Variants in CNTNAP5 observed in about 807,000 individuals in gnomAD.
CNTNAP5 encodes the protein contactin-associated protein-like 5.
In CNTNAP5, 72 loss-of-function variants were observed where a neutral mutation model predicts 150.2. That is an observed-to-expected ratio of 0.48 (90% CI 0.40 to 0.58). The LOEUF is 0.58. Ranked by LOEUF, CNTNAP5 falls within the 20% of genes least tolerant of loss-of-function variation. The pLI, the probability that CNTNAP5 is intolerant of heterozygous loss-of-function variation, is 0.00. For missense variants in CNTNAP5, 1,636 were observed against 1,626.2 expected (o/e 1.01, Z -0.10); for synonymous variants, 672 against 619.8 (o/e 1.08, Z -1.25).
intron 1 of CNTNAP5, among the ~76,000 whole-genome samples, chr2:124,136,588 G>C (rs1393489010): frequency 1.3e-5 from 2 of 152,132 alleles, no homozygotes. Context: ...ACAGTACTGA[G>C]AGTGAAAAAC....
chr2:124,405,969 T>C (rs1023943828), intron 3 of CNTNAP5, among the ~76,000 whole-genome samples: 1 of 152,252 alleles, frequency 6.6e-6, no homozygotes, highest in Non-Finnish European at 1.5e-5. Flanking sequence ...TACAAAGCAC[T>C]GAAGCCACAA....
At chr2:124,169,195 G>T (rs143810892) in intron 1 of CNTNAP5, among the ~76,000 whole-genome samples, 1 of 152,168 alleles carries the variant, frequency 6.6e-6, no homozygotes, top group East Asian at 1.9e-4. Context: ...CAAAACTGAA[G>T]AGAACCAGAG....
In CNTNAP5 at chr2:124,777,902, G is replaced by A. The variant is rs532963156; in HGVS notation, c.2752+4885G>A. Among the ~76,000 whole-genome samples the A allele has an allele frequency of 1.6e-3, 244 of 151,670 alleles. 1 individual carries two copies. The highest frequency in any genetic ancestry group is 5.5e-3 in the African/African-American group (226 of 41,352). ...CATGCAGCTCAGAAAGAGAGGACCCGGGCTTCAGACCTCACAAAAACTCAA... is the reference window on the plus strand; with the variant it reads ...CATGCAGCTCAGAAAGAGAGGACCCAGGCTTCAGACCTCACAAAAACTCAA... On this transcript the variant is annotated intron_variant, in intron 17 of 23. Coordinates refer to ENST00000682447, the MANE Select transcript of CNTNAP5 (RefSeq NM_001367498.1).
chr2:124,237,068 G>T (rs1430843750), intron 2 of CNTNAP5, among the ~76,000 whole-genome samples: 9 of 152,228 alleles, frequency 5.9e-5, no homozygotes, highest in African/African-American at 1.7e-4. Flanking sequence ...GGCAGAAGTT[G>T]CAGTGAGCCG....
chr2:124,817,274 G>A (rs181531302), intron 19 of CNTNAP5, among the ~76,000 whole-genome samples: 2 of 152,300 alleles, frequency 1.3e-5, no homozygotes, highest in East Asian at 1.9e-4. Context: ...GGGAATGCAA[G>A]GGGATTTATA....
intron 13 of CNTNAP5, among the ~76,000 whole-genome samples, chr2:124,648,398 T>C (rs1678251022): frequency 6.6e-6 from 1 of 151,906 alleles, no homozygotes; most frequent in Non-Finnish European, 1.5e-5. Context: ...GGAGGATGCC[T>C]GGATGCCTAA....
chr2:124,774,725 T>A (rs1390954897), intron 17 of CNTNAP5, among the ~76,000 whole-genome samples: 1 of 152,204 alleles, frequency 6.6e-6, no homozygotes, highest in African/African-American at 2.4e-5. Flanking sequence ...AAGTTTAATT[T>A]ATCTTCAGGC....
intron 19 of CNTNAP5, among the ~76,000 whole-genome samples, chr2:124,803,509 T>C (rs1238220511): frequency 6.6e-6 from 1 of 152,192 alleles, no homozygotes; most frequent in Non-Finnish European, 1.5e-5. Flanking sequence ...CCATCTATGG[T>C]GAAATCCTTT....
intron 12 of CNTNAP5, among the ~76,000 whole-genome samples, chr2:124,627,483 C>CCGGA (rs1677751484): frequency 6.7e-6 from 1 of 150,142 alleles, no homozygotes; most frequent in African/African-American, 2.5e-5. Context: ...AGAAGAAAGG[C>CCGGA]CTGTTAGAAG....
intron 17 of CNTNAP5, among the ~76,000 whole-genome samples, chr2:124,784,032 T>A (rs986324572): frequency 8.5e-5 from 13 of 152,186 alleles, no homozygotes; most frequent in Non-Finnish European, 1.8e-4. Context: ...CATGTATATG[T>A]TAAACCTTCT....
intron 12 of CNTNAP5, among the ~76,000 whole-genome samples, chr2:124,642,759 A>T (rs1410921760): frequency 6.6e-6 from 1 of 152,128 alleles, no homozygotes; most frequent in Non-Finnish European, 1.5e-5. Flanking sequence ...CCTCCAGTGT[A>T]TGTACTCTGG....
intron 5 of CNTNAP5, among the ~76,000 whole-genome samples, chr2:124,439,903 A>G (rs1457773407): frequency 1.3e-5 from 2 of 152,260 alleles, no homozygotes; most frequent in Non-Finnish European, 2.9e-5. Flanking sequence ...TTCCTTTGCA[A>G]AAGAATGCCC....
chr2:124,791,026 A>G (rs1681715189), intron 18 of CNTNAP5, among the ~76,000 whole-genome samples: 1 of 152,388 alleles, frequency 6.6e-6, no homozygotes, highest in East Asian at 1.9e-4. Context: ...TTAAATTATT[A>G]AAATAAAATG....
chr2:124,083,664 T>G (rs1682612174), intron 1 of CNTNAP5, among the ~76,000 whole-genome samples: 1 of 152,162 alleles, frequency 6.6e-6, no homozygotes, highest in African/African-American at 2.4e-5. Context: ...CATTGATTTA[T>G]GTGTCCCTCT....
intron 13 of CNTNAP5, among the ~76,000 whole-genome samples, chr2:124,686,868 T>G (rs1199413368): frequency 1.3e-5 from 2 of 152,060 alleles, no homozygotes; most frequent in African/African-American, 4.8e-5. Context: ...CGATACAAGT[T>G]TTAAATACAT....
chr2:124,060,771 C>G (rs1380857381), intron 1 of CNTNAP5, among the ~76,000 whole-genome samples: 1 of 152,206 alleles, frequency 6.6e-6, no homozygotes, highest in Non-Finnish European at 1.5e-5. Flanking sequence ...TAGTCAAGCT[C>G]TCTTAAGTCT....
At chr2:124,685,618 C>T (rs962730063) in intron 13 of CNTNAP5, among the ~76,000 whole-genome samples, 1 of 152,018 alleles carries the variant, frequency 6.6e-6, no homozygotes, top group Non-Finnish European at 1.5e-5. Flanking sequence ...GCAAATTGTA[C>T]TGCTTATAAC....
At chr2:124,679,226 G>C (rs957119172) in intron 13 of CNTNAP5, among the ~76,000 whole-genome samples, 1 of 151,888 alleles carries the variant, frequency 6.6e-6, no homozygotes, top group South Asian at 2.1e-4. Context: ...TCCTCAAGGA[G>C]ATGAATTGAG....
chr2:124,270,781 A>T (rs72962882), intron 3 of CNTNAP5, among the ~76,000 whole-genome samples: 215 of 152,304 alleles, frequency 1.4e-3, no homozygotes, highest in African/African-American at 4.8e-3. Flanking sequence ...ATGTCAAATA[A>T]TCACATTCCA....
Sources: allele counts gnomAD v4.1 joint callset (sites outside exome capture counted in the v4.1 genomes callset), GRCh38; gene constraint gnomAD v4.1.1; transcripts MANE v1.5; gene names NCBI Gene and HGNC (gene_info 2026-07-23, HGNC 2026-07-21).